Variants in MS4A4A observed in about 807,000 individuals in gnomAD.
The protein encoded by MS4A4A is membrane spanning 4-domains A4A.
In MS4A4A, 26 loss-of-function variants were observed where a neutral mutation model predicts 28.0. The ratio of observed to expected loss-of-function variants is 0.93; its 90% confidence interval spans 0.68 to 1.29. MS4A4A has a LOEUF of 1.29. Among genes scored for constraint, MS4A4A ranks in the 50% most tolerant of loss-of-function variants. MS4A4A has a pLI of 0.00. For synonymous variants in MS4A4A, 86 were observed against 100.8 expected, an observed-to-expected ratio of 0.85 and a Z score of 0.88; for missense variants, 290 against 293.1, an observed-to-expected ratio of 0.99 and a Z score of 0.08.
intron 5 of MS4A4A, among the ~76,000 whole-genome samples, chr11:60,303,792 C>T (rs1025587110): frequency 6.6e-6 from 1 of 152,162 alleles, no homozygotes; most frequent in Admixed American, 6.5e-5. Context: ...CAGCCTTTCA[C>T]CTTGCTGCTT....
chr11:60,282,002 C>T (rs938083589), intron 1 of MS4A4A, among the ~76,000 whole-genome samples: 2 of 151,972 alleles, frequency 1.3e-5, no homozygotes, highest in South Asian at 2.1e-4. Flanking sequence ...CTTCATGTGC[C>T]GTAGATAATT....
chr11:60,280,845 G>T (rs1000137497), intron 1 of MS4A4A, 129 bp downstream of exon 1: 32 of 1,032,978 alleles, frequency 3.1e-5, no homozygotes, highest in Non-Finnish European at 4.3e-5. Context: ...CTGGTATTCA[G>T]GGTTGGGGTG....
chr11:60,306,432 C>T (rs1299072285), intron 6 of MS4A4A, among the ~76,000 whole-genome samples: 5 of 152,190 alleles, frequency 3.3e-5, no homozygotes, highest in Non-Finnish European at 7.3e-5. Flanking sequence ...CTCTTCCATA[C>T]TAATGTGGTG....
At chr11:60,287,122 T>C (rs1287463977) in intron 1 of MS4A4A, among the ~76,000 whole-genome samples, 1 of 152,246 alleles carries the variant, frequency 6.6e-6, no homozygotes, top group Non-Finnish European at 1.5e-5. Context: ...AATAACAATG[T>C]TTGTTGAAAC....
In MS4A4A at chr11:60,292,275, C is replaced by T; in HGVS notation, c.92C>T (p.Pro31Leu). ...ATGCAAGGAATGGAACAGGCCATGC[C>T]AGGGGCTGGCCCTGGTGTGCCCCAG... is the stretch of plus-strand genomic sequence containing the variant. ...TTMQGMEQAM[P>L]GAGPGVPQLG... Residue 31 changes from proline (P) to leucine (L), a missense_variant, in exon 2 of 7, where the codon CCA (proline) becomes CTA (leucine). Coordinates refer to ENST00000337908, the MANE Select transcript of MS4A4A (RefSeq NM_148975.3). 1 of 1,604,970 alleles carries T rather than the reference C, an allele frequency of 6.2e-7. No individual in the cohort carries two copies. The highest frequency in any genetic ancestry group is 8.5e-7 in the Non-Finnish European group (1 of 1,176,166).
At chr11:60,293,103 GC>G (rs769297413) in intron 2 of MS4A4A, among the ~76,000 whole-genome samples, 47 of 151,972 alleles carry the variant, frequency 3.1e-4, no homozygotes, top group Non-Finnish European at 6.5e-4. Flanking sequence ...CATCATCCAG[GC>G]TGGAGTGCAG....
chr11:60,282,778 TTTG>T, intron 1 of MS4A4A: 1 of 1,211,914 alleles, frequency 8.3e-7, no homozygotes, highest in Non-Finnish European at 1.0e-6. Flanking sequence ...TAGCCGAGCT[TTTG>T]TTATCAACAT....
intron 4 of MS4A4A, among the ~76,000 whole-genome samples, chr11:60,301,536 C>G (rs995403448): frequency 2.6e-5 from 4 of 152,190 alleles, no homozygotes; most frequent in African/African-American, 9.6e-5. Flanking sequence ...AGATGCCTTT[C>G]ATAAAGCCAA....
rs1443031070 is a variant in MS4A4A at position 60,302,733 on chromosome 11, T to G, written c.546+16T>G. The G allele has an allele frequency of 1.2e-6, 2 of 1,609,052 alleles. No homozygotes were observed. The highest frequency in any genetic ancestry group is 1.7e-6 in the Non-Finnish European group (2 of 1,176,404). ...CATCTTAATGGTTGGTACTGCCTCT[T>G]TTCAGGGGATATTATTATAGAAGCA... On this transcript the variant is annotated intron_variant, in intron 5 of 6. Coordinates refer to ENST00000337908, the MANE Select transcript of MS4A4A (RefSeq NM_148975.3).
At chr11:60,291,576 G>A (rs903383957) in intron 1 of MS4A4A, among the ~76,000 whole-genome samples, 1 of 152,030 alleles carries the variant, frequency 6.6e-6, no homozygotes. Flanking sequence ...GAGGCGGGCG[G>A]ATCACAAGGT....
At chr11:60,284,918 G>A (rs2084790824) in intron 1 of MS4A4A, among the ~76,000 whole-genome samples, 1 of 152,152 alleles carries the variant, frequency 6.6e-6, no homozygotes. Context: ...TTCTAATAAA[G>A]CCCATAAATT....
intron 3 of MS4A4A, among the ~76,000 whole-genome samples, chr11:60,297,567 A>T (rs2084917270): frequency 6.6e-6 from 1 of 152,210 alleles, no homozygotes. Context: ...ACATTGCCAA[A>T]GACCCAAACC....
intron 6 of MS4A4A, among the ~76,000 whole-genome samples, chr11:60,307,123 C>A (rs1350481113): frequency 6.6e-6 from 1 of 152,202 alleles, no homozygotes; most frequent in Non-Finnish European, 1.5e-5. Flanking sequence ...TACTCATTAG[C>A]TTCATTACCC....
intron 6 of MS4A4A, among the ~76,000 whole-genome samples, chr11:60,307,597 C>A (rs986586489): frequency 4.6e-5 from 7 of 152,164 alleles, no homozygotes; most frequent in Admixed American, 1.3e-4. Flanking sequence ...GGTTTTGGGG[C>A]ATATGATAGC....
chr11:60,287,571 A>G (rs2084813945), intron 1 of MS4A4A, among the ~76,000 whole-genome samples: 1 of 152,180 alleles, frequency 6.6e-6, no homozygotes, highest in East Asian at 1.9e-4. Context: ...CAACCCTCCA[A>G]AACTCATGTT....
intron 1 of MS4A4A, among the ~76,000 whole-genome samples, chr11:60,289,168 A>G (rs1404607349): frequency 1.3e-5 from 2 of 152,198 alleles, no homozygotes; most frequent in Admixed American, 1.3e-4. Flanking sequence ...GTTTCCAAGA[A>G]GGGGCAACAC....
chr11:60,300,990 CT>C lies in MS4A4A; in HGVS notation c.331-10del. On this transcript the variant is annotated splice_polypyrimidine_tract_variant and intron_variant, in intron 3 of 6. Coordinates refer to ENST00000337908, the MANE Select transcript of MS4A4A (RefSeq NM_148975.3). ...AAAGTTTTTTACCTTCATTTTTTCT[CT>C]CATTTTTAGTTTATTATTTCAGGAT... 6.3e-7 allele frequency: 1 copy of C among 1,593,880 alleles called. No homozygotes were observed.
At chr11:60,302,131 G>T (rs960253539) in intron 4 of MS4A4A, among the ~76,000 whole-genome samples, 2 of 152,160 alleles carry the variant, frequency 1.3e-5, no homozygotes, top group Non-Finnish European at 2.9e-5. Context: ...CATGAGAAGA[G>T]AACGTACAGA....
chr11:60,291,142 G>T (rs1277036969), intron 1 of MS4A4A, among the ~76,000 whole-genome samples: 1 of 152,136 alleles, frequency 6.6e-6, no homozygotes, highest in East Asian at 1.9e-4. Context: ...GACTTGGTTG[G>T]AGTTATTATA....
Sources: allele counts gnomAD v4.1 joint callset (sites outside exome capture counted in the v4.1 genomes callset), GRCh38; gene constraint gnomAD v4.1.1; transcripts MANE v1.5; gene names NCBI Gene and HGNC (gene_info 2026-07-23, HGNC 2026-07-21).